The following EFNA5 variants were observed in gnomAD, a reference collection of about 807,000 sequenced individuals.
EFNA5 encodes the protein ephrin A5.
A neutral mutation model predicts 22.9 loss-of-function variants in EFNA5; 5 were observed. That is an observed-to-expected ratio of 0.22 (90% CI 0.11 to 0.46). EFNA5 has a LOEUF of 0.46. Ranked by LOEUF, EFNA5 falls within the 20% of genes least tolerant of loss-of-function variation. The pLI is 0.99. For missense variants in EFNA5, 237 were observed against 293.3 expected, an observed-to-expected ratio of 0.81 and a Z score of 1.40; for synonymous variants, 113 against 112.2, an observed-to-expected ratio of 1.01 and a Z score of -0.04.
Position 107,380,373 on chromosome 5 carries a change from T to TAAAAAAAAAAAA in EFNA5, c.*881_*882insTTTTTTTTTTTT, listed in dbSNP as rs1747407184. 2 of 41,586 alleles carry TAAAAAAAAAAAA rather than the reference T, an allele frequency of 4.8e-5. 1 individual carries two copies. The highest frequency in any genetic ancestry group is 9.0e-5 in the Non-Finnish European group (2 of 22,308). 2.6% of individuals were successfully genotyped at this position (41,586 alleles called of 1,614,324 possible). On this transcript the variant is annotated 3_prime_UTR_variant, in exon 5 of 5. Transcript: ENST00000333274. ...TCATAAAAATGCCTCTTTGAGTTTC[T>TAAAAAAAAAAAA]TAAAAAAAAAAAAAAAAAAAAAAAA...
At chr5:107,527,348 G>A (rs550429114) in intron 1 of EFNA5, among the ~76,000 whole-genome samples, 7 of 150,356 alleles carry the variant, frequency 4.7e-5, no homozygotes, top group East Asian at 1.9e-4. Flanking sequence ...ATACAGTGGC[G>A]CAATCTCGGC....
At chr5:107,452,172 T>A (rs1218693541) in intron 1 of EFNA5, among the ~76,000 whole-genome samples, 1 of 151,508 alleles carries the variant, frequency 6.6e-6, no homozygotes, top group Non-Finnish European at 1.5e-5. Context: ...TGAGAACACA[T>A]GGACACAGGG....
intron 1 of EFNA5, among the ~76,000 whole-genome samples, chr5:107,585,431 G>T (rs960302398): frequency 6.6e-6 from 1 of 152,172 alleles, no homozygotes; most frequent in Non-Finnish European, 1.5e-5. Flanking sequence ...GCAGTTTGGG[G>T]ATCTGGAAAG....
chr5:107,388,995 A>C (rs189944421), intron 2 of EFNA5, among the ~76,000 whole-genome samples: 1 of 152,350 alleles, frequency 6.6e-6, no homozygotes, highest in East Asian at 1.9e-4. Flanking sequence ...TCTAGATCCA[A>C]GTAACCCTCC....
chr5:107,515,995 C>A (rs1747467283), intron 1 of EFNA5, among the ~76,000 whole-genome samples: 1 of 152,134 alleles, frequency 6.6e-6, no homozygotes, highest in Non-Finnish European at 1.5e-5. Flanking sequence ...ACCTACAGCC[C>A]TAGACACTAG....
intron 1 of EFNA5, among the ~76,000 whole-genome samples, chr5:107,642,549 G>A (rs1177649319): frequency 7.9e-5 from 12 of 151,106 alleles, no homozygotes; most frequent in South Asian, 6.3e-4. Context: ...TCCCTGGAAC[G>A]CAAGTGAGTT....
intron 2 of EFNA5, among the ~76,000 whole-genome samples, chr5:107,420,252 G>A (rs958677313): frequency 4.0e-5 from 6 of 151,846 alleles, no homozygotes; most frequent in Admixed American, 3.9e-4. Flanking sequence ...TATCAATCTG[G>A]GATATTCAAG....
At chr5:107,482,868 C>CTATA (rs1491566387) in intron 1 of EFNA5, among the ~76,000 whole-genome samples, 2 of 42,904 alleles carry the variant, frequency 4.7e-5, no homozygotes, top group East Asian at 2.0e-3. Context: ...CTCTCTCTCT[C>CTATA]TCTATATATA....
chr5:107,569,431 A>ATATATATATTTATATATGTGTGTG (rs1748731639), intron 1 of EFNA5, among the ~76,000 whole-genome samples: 1 of 141,862 alleles, frequency 7.0e-6, no homozygotes, highest in Non-Finnish European at 1.5e-5. Flanking sequence ...ATATGTGTGT[A>ATATATATATTTATATATGTGTGTG]TATATATATT....
chr5:107,585,089 TG>T (rs1231002589), intron 1 of EFNA5, among the ~76,000 whole-genome samples: 3 of 152,144 alleles, frequency 2.0e-5, no homozygotes, highest in African/African-American at 7.2e-5. Context: ...GGGCTACAAA[TG>T]GTATGGAAAT....
At chr5:107,499,142 A>C (rs17160056) in intron 1 of EFNA5, among the ~76,000 whole-genome samples, 38,018 of 152,046 alleles carry the variant, frequency 0.25, 5,258 homozygotes, top group African/African-American at 0.37. Context: ...AAAGACACAA[A>C]TATATATAGG....
chr5:107,511,802 T>TAA (rs11442725), intron 1 of EFNA5, among the ~76,000 whole-genome samples: 62 of 151,524 alleles, frequency 4.1e-4, no homozygotes, highest in Middle Eastern at 3.4e-3. Context: ...TTACTTTTCT[T>TAA]AAAAAAAACC....
intron 1 of EFNA5, among the ~76,000 whole-genome samples, chr5:107,459,788 G>T: frequency 6.6e-6 from 1 of 152,108 alleles, no homozygotes; most frequent in East Asian, 1.9e-4. Context: ...CTGTCTCAGT[G>T]GGGCAGCACC....
intron 1 of EFNA5, among the ~76,000 whole-genome samples, chr5:107,551,442 C>T (rs1561430354): frequency 6.6e-6 from 1 of 152,084 alleles, no homozygotes; most frequent in African/African-American, 2.4e-5. Flanking sequence ...TAGTTTTACA[C>T]GTAACTCATT....
At chr5:107,587,738 C>T (rs1292337826) in intron 1 of EFNA5, among the ~76,000 whole-genome samples, 1 of 152,136 alleles carries the variant, frequency 6.6e-6, no homozygotes, top group Non-Finnish European at 1.5e-5. Flanking sequence ...AGGATGGTCT[C>T]GATCTCCTAA....
At chr5:107,465,023 G>A (rs1385469601) in intron 1 of EFNA5, among the ~76,000 whole-genome samples, 1 of 151,154 alleles carries the variant, frequency 6.6e-6, no homozygotes, top group Non-Finnish European at 1.5e-5. Context: ...ACGGCCTAAG[G>A]GTTTACACCT....
At chr5:107,389,955 T>C (rs1282680541) in intron 2 of EFNA5, among the ~76,000 whole-genome samples, 1 of 152,210 alleles carries the variant, frequency 6.6e-6, no homozygotes, top group African/African-American at 2.4e-5. Context: ...TATACTCTAA[T>C]CCTTAGAAAA....
chr5:107,437,676 G>C (rs74697901), intron 1 of EFNA5, among the ~76,000 whole-genome samples: 1 of 152,036 alleles, frequency 6.6e-6, no homozygotes, highest in Non-Finnish European at 1.5e-5. Context: ...ACATAGTAGC[G>C]ACTACATAGA....
chr5:107,482,862 C>A (rs1470426620), intron 1 of EFNA5, among the ~76,000 whole-genome samples: 99 of 75,914 alleles, frequency 1.3e-3, no homozygotes, highest in African/African-American at 5.0e-3. Flanking sequence ...CTCTCTCTCT[C>A]TCTCTCTCTA....
Sources: allele counts gnomAD v4.1 joint callset (sites outside exome capture counted in the v4.1 genomes callset), GRCh38; gene constraint gnomAD v4.1.1; transcripts MANE v1.5; gene names NCBI Gene and HGNC (gene_info 2026-07-23, HGNC 2026-07-21).